The following PDCD11 variants were observed in gnomAD, a reference collection of about 807,000 sequenced individuals.
PDCD11 encodes protein RRP5 homolog.
A neutral mutation model predicts 198.9 loss-of-function variants in PDCD11; 97 were observed. That is an observed-to-expected ratio of 0.49 (90% CI 0.41 to 0.58). The LOEUF is 0.58. Among genes scored for constraint, PDCD11 ranks in the 20% least tolerant of loss-of-function variants. PDCD11 has a pLI of 0.00. For missense variants in PDCD11, 2,102 were observed against 2,312.7 expected, an observed-to-expected ratio of 0.91 and a Z score of 1.87; for synonymous variants, 893 against 918.0, an observed-to-expected ratio of 0.97 and a Z score of 0.49.
chr10:103,423,696 A>T (rs751836610), intron 19 of PDCD11, 38 bp downstream of exon 19: 2 of 1,347,198 alleles, frequency 1.5e-6, no homozygotes, highest in South Asian at 2.3e-5. Flanking sequence ...ATGGTTTCAC[A>T]TGATGTACCC....
chr10:103,427,532 GGGGATATT>G (rs1208659804), intron 21 of PDCD11, 141 bp downstream of exon 21: 7 of 664,244 alleles, frequency 1.1e-5, no homozygotes, highest in Non-Finnish European at 1.6e-5. Flanking sequence ...TTTCTCTAGT[GGGGATATT>G]TGGTTCTCCT....
intron 5 of PDCD11, 80 bp from the exon 6 acceptor site, chr10:103,405,905 G>T: frequency 6.8e-7 from 1 of 1,469,090 alleles, no homozygotes; most frequent in Non-Finnish European, 9.4e-7. Context: ...CTTAGTGGCA[G>T]GAACATTCAA....
chr10:103,411,157 T>TC (rs981354090), intron 8 of PDCD11, among the ~76,000 whole-genome samples: 3 of 149,278 alleles, frequency 2.0e-5, no homozygotes, highest in Non-Finnish European at 4.5e-5. Flanking sequence ...GCTCAAGGAG[T>TC]CCCCCAACCT....
intron 12 of PDCD11, among the ~76,000 whole-genome samples, chr10:103,415,603 C>T (rs951488354): frequency 6.6e-6 from 1 of 152,170 alleles, no homozygotes; most frequent in African/African-American, 2.4e-5. Flanking sequence ...CTTCATTTTG[C>T]GGGTGGGGAA....
intron 1 of PDCD11, 27 bp downstream of exon 1, chr10:103,396,757 A>G (rs1396712943): frequency 6.6e-6 from 1 of 152,362 alleles, no homozygotes; most frequent in Non-Finnish European, 1.5e-5. Flanking sequence ...GCGAAAAAGG[A>G]GGAAACCTCA....
chr10:103,412,346 A>G (rs2030850915), intron 8 of PDCD11, among the ~76,000 whole-genome samples: 1 of 140,340 alleles, frequency 7.1e-6, no homozygotes, highest in African/African-American at 2.7e-5. Context: ...TTTGAGACGG[A>G]GTCTTGCTCT....
At chr10:103,420,394 T>C (rs2031356463) in intron 16 of PDCD11, among the ~76,000 whole-genome samples, 1 of 152,120 alleles carries the variant, frequency 6.6e-6, no homozygotes, top group African/African-American at 2.4e-5. Context: ...GTTTTTGAGG[T>C]GTTAAGGGAC....
intron 30 of PDCD11, 94 bp downstream of exon 30, chr10:103,440,944 A>G (rs1471344714): frequency 2.0e-5 from 18 of 885,238 alleles, no homozygotes; most frequent in Non-Finnish European, 2.8e-5. Context: ...CATTTCCTAT[A>G]AAATACGAAA....
intron 13 of PDCD11, among the ~76,000 whole-genome samples, chr10:103,417,246 A>G (rs2031162513): frequency 1.3e-5 from 2 of 151,454 alleles, no homozygotes; most frequent in African/African-American, 4.9e-5. Context: ...ATCTCAGCTC[A>G]CTGCAACCTC....
Position 103,445,525 on chromosome 10 carries a change from CA to C in PDCD11, c.5594del (p.Lys1865ArgfsTer5), listed in dbSNP as rs747612988. On this transcript the variant is annotated frameshift_variant, in exon 36 of 36. Transcript: ENST00000369797. LOFTEE classifies it high-confidence loss of function. ...KAKALEYVEA[K>X]SSVLED ...CCAAGGCCCTGGAGTATGTGGAGGCCAAGAGCTCAGTGCTAGAGGACTAGTG... is the reference window on the plus strand; with the variant it reads ...CCAAGGCCCTGGAGTATGTGGAGGCCAGAGCTCAGTGCTAGAGGACTAGTG... 6.2e-7 allele frequency: 1 copy of C among 1,613,758 alleles called. No homozygotes were observed. Among genetic ancestry groups the C allele is most frequent in the Non-Finnish European group, 8.5e-7 (1 of 1,180,026 alleles).
In PDCD11 at chr10:103,415,110, C is replaced by A. The variant is rs201433998; in HGVS notation, c.1477C>A (p.Pro493Thr). 3.5e-5 allele frequency: 57 copies of A among 1,613,996 alleles called. No individual in the cohort carries two copies. The highest frequency in any genetic ancestry group is 1.5e-4 in the Admixed American group (9 of 60,004). ...CCTGGCTGACATCCTGATGAAGAAT[C>A]CGGAGAAGAAGTACCACATCGGGGA... ...MHLADILMKN[P>T]EKKYHIGDEV... Residue 493 changes from proline (P) to threonine (T), a missense_variant, in exon 12 of 36, where the codon CCG becomes ACG. Pro to Thr is a conservative substitution (Grantham distance 38). Transcript: ENST00000369797.
rs750653690 is a variant in PDCD11 at position 103,427,357 on chromosome 10, G to A, written c.3334G>A (p.Val1112Ile). The stretch of plus-strand genomic sequence containing the variant: ...TCTCCCAATAAGTCACCCCAGATTC[G>A]TTCGAACCATCCCGGAGCTGAGTGT... ...KYLPISHPRF[V>I]RTIPELSVRP... Residue 1112 changes from valine (V) to isoleucine (I), a missense_variant, in exon 21 of 36, where the codon GTT (valine) becomes ATT (isoleucine). Val to Ile is a conservative substitution (Grantham distance 29, BLOSUM62 3). Transcript: ENST00000369797. 17 of 1,612,998 alleles carry A rather than the reference G, an allele frequency of 1.1e-5. No individual in the cohort carries two copies. The South Asian group carries it at 1.5e-4, about 15-fold the overall frequency.
At chr10:103,441,699 G>A in intron 30 of PDCD11, 127 bp from the exon 31 acceptor site, 1 of 774,028 alleles carries the variant, frequency 1.3e-6, no homozygotes, top group Non-Finnish European at 2.1e-6. Context: ...TGGCCTAGGA[G>A]GAGAGGAGAG....
At chr10:103,398,363 T>G in intron 1 of PDCD11, 53 bp from the exon 2 acceptor site, 2 of 1,134,766 alleles carry the variant, frequency 1.8e-6, no homozygotes, top group Non-Finnish European at 2.7e-6. Flanking sequence ...AACACCTTTC[T>G]GAAATCTGCT....
rs144882489 is a variant in PDCD11 at position 103,442,264 on chromosome 10, G to A, written c.4759G>A (p.Glu1587Lys). The change falls in exon 32 of 36, where the codon GAA becomes AAA. Residue 1587 changes from glutamate (E) to lysine (K), a missense_variant. Glu to Lys is a moderately conservative substitution (Grantham distance 56). Coordinates refer to ENST00000369797, the MANE Select transcript of PDCD11 (RefSeq NM_014976.2). Reference sequence around the variant, plus strand: ...GTTGGAGAAGCAGAAGGCAGAGAAGGAACTGTCCCGCATTGAGGAGGCGCT... The same window carrying A: ...GTTGGAGAAGCAGAAGGCAGAGAAGAAACTGTCCCGCATTGAGGAGGCGCT... ...RELEKQKAEK[E>K]LSRIEEALMD... is the part of the protein sequence containing the mutation. 858 of 1,614,104 alleles carry A rather than the reference G, an allele frequency of 5.3e-4. 1 individual carries two copies. Among genetic ancestry groups the A allele is most frequent in the Non-Finnish European group, 6.8e-4 (805 of 1,180,040 alleles).
intron 4 of PDCD11, among the ~76,000 whole-genome samples, chr10:103,404,324 A>AGTCTCACTCTTTAGCCCAGGCTGGAGT (rs1339098708): frequency 2.0e-5 from 3 of 150,096 alleles, no homozygotes; most frequent in African/African-American, 7.4e-5. Flanking sequence ...TTTGAGATGG[A>AGTCTCACTCTTTAGCCCAGGCTGGAGT]GTCTCACTCT....
At position 103,442,239 on chromosome 10, in the gene PDCD11, G is replaced by T. The variant is rs145570020; in HGVS notation, c.4734G>T (p.Glu1578Asp). 259 of 1,614,198 alleles carry T rather than the reference G, an allele frequency of 1.6e-4. 1 individual carries two copies. Among genetic ancestry groups the T allele is most frequent in the Non-Finnish European group, 2.1e-4 (245 of 1,180,030 alleles). ...TAAAGAAAAGCAAGAAAGAAAGGGA[G>T]TTGGAGAAGCAGAAGGCAGAGAAGG... ...ATIKKSKKER[E>D]LEKQKAEKEL... Residue 1578 changes from glutamate to aspartate, a missense_variant, in exon 32 of 36, where the codon GAG becomes GAT. By Grantham distance (45) the Glu-to-Asp change is conservative (BLOSUM62 2). Coordinates refer to ENST00000369797, the MANE Select transcript of PDCD11 (RefSeq NM_014976.2).
intron 17 of PDCD11, 43 bp downstream of exon 17, chr10:103,421,610 G>A (rs1014257285): frequency 7.0e-7 from 1 of 1,432,988 alleles, no homozygotes; most frequent in African/African-American, 1.4e-5. Flanking sequence ...AGGGGTGGGA[G>A]TATGTGTTGT....
rs986861413 is a variant in PDCD11 at position 103,445,977 on chromosome 10, A to G, written c.*428A>G. The G allele has an allele frequency of 9.6e-5, 16 of 167,348 alleles. No individual in the cohort carries two copies. In the South Asian group the frequency reaches 2.6e-3, roughly 27 times the overall value. 10.4% of individuals were successfully genotyped at this position (167,348 alleles called of 1,614,324 possible). The stretch of plus-strand genomic sequence containing the variant: ...TCCAGGGAGTGGGCCCTCCCCTCCG[A>G]TCTTGGAGTCTCTGGGTGTTCCTTC... On this transcript the variant is annotated 3_prime_UTR_variant, in exon 36 of 36. Transcript: ENST00000369797.
Sources: allele counts gnomAD v4.1 joint callset (sites outside exome capture counted in the v4.1 genomes callset), GRCh38; gene constraint gnomAD v4.1.1; transcripts MANE v1.5; gene names NCBI Gene and HGNC (gene_info 2026-07-23, HGNC 2026-07-21).